The following PALM variants were observed in gnomAD, a reference collection of about 807,000 sequenced individuals.
PALM encodes paralemmin, also known as paralemmin-1.
A neutral mutation model predicts 30.7 loss-of-function variants in PALM; 18 were observed. That is an observed-to-expected ratio of 0.59 (90% CI 0.41 to 0.87). PALM has a LOEUF of 0.87. Ranked by LOEUF, PALM falls within the 40% of genes least tolerant of loss-of-function variation. PALM has a pLI of 0.00. For synonymous variants in PALM, 286 were observed against 242.8 expected, an observed-to-expected ratio of 1.18 and a Z score of -1.66; for missense variants, 529 against 555.4, an observed-to-expected ratio of 0.95 and a Z score of 0.48.
Position 727,625 on chromosome 19 carries a change from A to G in PALM, c.200A>G (p.Asp67Gly), listed in dbSNP as rs2032730530. The change falls in exon 4 of 9, where the codon GAT becomes GGT. Residue 67 changes from aspartate to glycine, a missense_variant. Transcript: ENST00000338448. ...ACGCCGTCCTCGGCCTCAGAGGGGG[A>G]TGAGGACCTGAGGAGGCAGATGCAG... ...EGTPSSASEG[D>G]EDLRRQMQDD... 1.9e-6 allele frequency: 3 copies of G among 1,575,790 alleles called. No individual in the cohort carries two copies. The highest frequency in any genetic ancestry group is 2.6e-6 in the Non-Finnish European group (3 of 1,161,112).
chr19:742,915 C>T lies in PALM; in HGVS notation c.634+2432C>T, dbSNP rs73918198. Reference sequence around the variant, plus strand: ...TGCTTTCGAGGCCTTTGGGTGTACACGTAGGAGTGAACTGCTGGGTCCTGA... The same window carrying T: ...TGCTTTCGAGGCCTTTGGGTGTACATGTAGGAGTGAACTGCTGGGTCCTGA... On this transcript the variant is annotated intron_variant, in intron 8 of 8. Coordinates refer to ENST00000338448, the MANE Select transcript of PALM (RefSeq NM_002579.3). The surrounding 1 kb of genome is among the most constrained non-coding windows in gnomAD (Gnocchi z 5.5). Among the ~76,000 whole-genome samples the T allele has an allele frequency of 0.024, 3,595 of 152,234 alleles. 138 individuals carry two copies. The highest frequency in any genetic ancestry group is 0.083 in the African/African-American group (3,428 of 41,530).
intron 1 of PALM, chr19:719,526 G>A: frequency 2.0e-5 from 20 of 985,516 alleles, no homozygotes; most frequent in Non-Finnish European, 2.3e-5. Flanking sequence ...CCGGGAGCCA[G>A]GGAGGCTCGG....
chr19:723,649 C>G (rs1056767446), intron 1 of PALM, among the ~76,000 whole-genome samples: 1 of 151,940 alleles, frequency 6.6e-6, no homozygotes, highest in Non-Finnish European at 1.5e-5. Flanking sequence ...TGGAGTGCAG[C>G]GCGTGATCTC....
intron 4 of PALM, among the ~76,000 whole-genome samples, chr19:728,536 G>A (rs531408889): frequency 2.6e-5 from 4 of 152,322 alleles, no homozygotes; most frequent in East Asian, 1.9e-4. Flanking sequence ...GGCCGGGTGC[G>A]GTGGTTCACA....
Position 733,951 on chromosome 19 carries a change from A to T in PALM, c.421-222A>T, listed in dbSNP as rs138913421. 4.8e-3 allele frequency among the ~76,000 whole-genome samples: 733 copies of T among 152,138 alleles called. 8 individuals carry two copies. The highest frequency in any genetic ancestry group is 0.017 in the African/African-American group (701 of 41,518). On this transcript the variant is annotated intron_variant, in intron 5 of 8. Transcript: ENST00000338448. ...CAGTGAGCCAAGATTGCCCCATTGC[A>T]CTCCGGCCTGGGCGACAAGAGCGAA...
intron 3 of PALM, 105 bp downstream of exon 3, chr19:727,193 C>T (rs2032700128): frequency 1.3e-6 from 1 of 748,476 alleles, no homozygotes; most frequent in Non-Finnish European, 2.2e-6. Flanking sequence ...CCAACCTGAC[C>T]CTGACCCTGC....
rs2031983516 is a variant in PALM at position 709,114 on chromosome 19, G to C, written c.-33G>C. 1 of 300,026 alleles carries C rather than the reference G, an allele frequency of 3.3e-6. No homozygotes were observed. Among genetic ancestry groups the C allele is most frequent in the Admixed American group, 5.2e-5 (1 of 19,182 alleles). The allele number at this position is 300,026 out of a possible 1,614,324, so 18.6% of individuals were successfully genotyped here. ...CGCCACCCGCGCCCGCCCCCGCCCG[G>C]CACCGCGGACCCACCCGGACCTCGG... On this transcript the variant is annotated 5_prime_UTR_variant, in exon 1 of 9. Transcript: ENST00000338448. This position sits in a 1 kb window ranked among gnomAD's most constrained non-coding sequence, Gnocchi z 4.3.
intron 8 of PALM, among the ~76,000 whole-genome samples, chr19:743,633 C>T (rs75383787): frequency 0.027 from 4,165 of 152,298 alleles, 120 homozygotes; most frequent in African/African-American, 0.075. Flanking sequence ...CGAGAGGAGG[C>T]GAGTCCCTGG....
intron 4 of PALM, among the ~76,000 whole-genome samples, chr19:728,080 C>T (rs937678317): frequency 3.3e-5 from 5 of 152,160 alleles, no homozygotes; most frequent in Non-Finnish European, 7.4e-5. Flanking sequence ...ATTGGCCTCC[C>T]TGGGGGCTTC....
Position 746,389 on chromosome 19 carries a change from G to A in PALM, c.739G>A (p.Ala247Thr), listed in dbSNP as rs2033340838. The change falls in exon 9 of 9, where the codon GCA (alanine) becomes ACA (threonine). Residue 247 changes from alanine (A) to threonine (T), a missense_variant. Coordinates refer to ENST00000338448, the MANE Select transcript of PALM (RefSeq NM_002579.3). This position sits in a 1 kb window ranked among gnomAD's most constrained non-coding sequence, Gnocchi z 7.1. ...HKADEVTLSE[A>T]GSTAGAAETR... ...AGCGGACGAGGTCACGCTGAGCGAG[G>A]CAGGGTCCACGGCCGGGGCGGCAGA... The A allele has an allele frequency of 3.1e-6, 5 of 1,613,062 alleles. No individual in the cohort carries two copies. The highest frequency in any genetic ancestry group is 3.4e-6 in the Non-Finnish European group (4 of 1,179,808).
chr19:731,874 C>T (rs978480832), intron 5 of PALM, among the ~76,000 whole-genome samples: 1 of 151,882 alleles, frequency 6.6e-6, no homozygotes, highest in African/African-American at 2.4e-5. Context: ...GTTGGCCAGG[C>T]TGGTCCCAAA....
chr19:737,589 C>T (rs144109322), intron 7 of PALM, among the ~76,000 whole-genome samples: 160 of 152,046 alleles, frequency 1.1e-3, no homozygotes, highest in African/African-American at 3.6e-3. Flanking sequence ...TAAGAGGTGA[C>T]GTCTGAGCAA....
chr19:727,191 A>T lies in PALM; in HGVS notation c.138+103A>T, dbSNP rs1191880200. 18 of 667,904 alleles carry T rather than the reference A, an allele frequency of 2.7e-5. No individual in the cohort carries two copies. In the East Asian group the frequency reaches 4.6e-4, roughly 17 times the overall value. The allele number at this position is 667,904 out of a possible 1,614,324, so 41.4% of individuals were successfully genotyped here. A position where few individuals can be genotyped will look rare whatever the true frequency, so the allele number is the denominator to read the frequency against. On this transcript the variant is annotated intron_variant, in intron 3 of 8. Transcript: ENST00000338448. ...TGACCCTGACCCCAATCCCAACCTG[A>T]CCCTGACCCTGCCTCCAGCCCTGAC...
chr19:733,877 T>C (rs2032943049), intron 5 of PALM, among the ~76,000 whole-genome samples: 1 of 152,132 alleles, frequency 6.6e-6, no homozygotes, highest in South Asian at 2.1e-4. Context: ...CCCCAGCTAC[T>C]GGGGAGGCTG....
intron 4 of PALM, among the ~76,000 whole-genome samples, chr19:728,075 C>T (rs926350093): frequency 2.0e-5 from 3 of 152,142 alleles, no homozygotes; most frequent in Non-Finnish European, 4.4e-5. Context: ...CCGGCATTGG[C>T]CTCCCTGGGG....
At chr19:728,577 G>T (rs2032768143) in intron 4 of PALM, among the ~76,000 whole-genome samples, 1 of 152,212 alleles carries the variant, frequency 6.6e-6, no homozygotes. Flanking sequence ...GGAAGCCGAG[G>T]CAGGAGGATC....
chr19:710,300 T>G (rs2032029398), intron 1 of PALM, among the ~76,000 whole-genome samples: 1 of 152,126 alleles, frequency 6.6e-6, no homozygotes, highest in Non-Finnish European at 1.5e-5. Context: ...ACACCCAGTG[T>G]CCTCTGCTTT....
chr19:716,423 A>G (rs983007417), intron 1 of PALM, among the ~76,000 whole-genome samples: 4 of 151,868 alleles, frequency 2.6e-5, no homozygotes, highest in African/African-American at 9.7e-5. Context: ...AAAAAAAAAA[A>G]AAAGAAAGTT....
At chr19:743,685 C>A (rs1275494621) in intron 8 of PALM, among the ~76,000 whole-genome samples, 2 of 152,200 alleles carry the variant, frequency 1.3e-5, no homozygotes, top group Non-Finnish European at 2.9e-5. Context: ...GTGGCCCAGG[C>A]AGCCGTGTTT....
Sources: gnomAD v4.1 joint callset for allele counts (sites outside exome capture counted in the v4.1 genomes callset) on GRCh38, gnomAD v4.1.1 for gene constraint, Gnocchi (gnomAD v3.1) non-coding constraint, MANE v1.5 for transcripts, NCBI Gene and HGNC (gene_info 2026-07-23, HGNC 2026-07-21) for gene names.